The following NAV2 variants were observed in gnomAD, a reference collection of about 807,000 sequenced individuals.
NAV2 encodes the protein neuron navigator 2, also known as helicase, APC down-regulated 1.
Under a neutral mutation model 223.2 loss-of-function variants are expected in NAV2, and 54 were observed. The observed-to-expected ratio is 0.24, with a 90% CI of 0.19 to 0.30. NAV2 has a LOEUF of 0.30. Ranked by LOEUF, NAV2 falls within the 10% of genes least tolerant of loss-of-function variation. The pLI is 1.00. For synonymous variants in NAV2, 1,279 were observed against 1,239.3 expected (o/e 1.03, Z -0.67); for missense variants, 2,806 against 3,147.5 (o/e 0.89, Z 2.60).
intron 1 of NAV2, among the ~76,000 whole-genome samples, chr11:19,811,211 T>C (rs1263729378): frequency 1.3e-5 from 2 of 152,214 alleles, no homozygotes; most frequent in African/African-American, 4.8e-5. Context: ...CTTTCTGTTG[T>C]GGAGTTCCTG....
At chr11:20,111,800 G>A (rs1592213421) in intron 36 of NAV2, among the ~76,000 whole-genome samples, 1 of 152,212 alleles carries the variant, frequency 6.6e-6, no homozygotes, top group East Asian at 1.9e-4. Context: ...GACAAGTTTG[G>A]ACTAGAAGAG....
intron 1 of NAV2, among the ~76,000 whole-genome samples, chr11:19,514,151 G>A (rs2043366362): frequency 1.3e-5 from 2 of 152,082 alleles, no homozygotes; most frequent in African/African-American, 2.4e-5. Flanking sequence ...TTGGCACCTA[G>A]GTCTGCAGGC....
chr11:20,116,473 G>A lies in NAV2; in HGVS notation c.7165-1660G>A, dbSNP rs940863029. 2.0e-5 allele frequency among the ~76,000 whole-genome samples: 3 copies of A among 152,228 alleles called. No individual in the cohort carries two copies. The East Asian group carries it at 5.8e-4, about 29-fold the overall frequency. Reference sequence around the variant, plus strand: ...CATACTTTAAACAGCCGTTTGCAACGTTAACCATTGCTGAAAGCCAAAGTC... The same window carrying A: ...CATACTTTAAACAGCCGTTTGCAACATTAACCATTGCTGAAAGCCAAAGTC... On this transcript the variant is annotated intron_variant, in intron 37 of 37. Transcript: ENST00000349880.
At chr11:19,446,068 G>A (rs1851571255) in intron 1 of NAV2, among the ~76,000 whole-genome samples, 1 of 152,132 alleles carries the variant, frequency 6.6e-6, no homozygotes, top group South Asian at 2.1e-4. Context: ...GCATCTTCAA[G>A]ACTTTTTCCA....
chr11:19,833,259 G>A (rs887977354), intron 2 of NAV2, among the ~76,000 whole-genome samples: 5 of 152,190 alleles, frequency 3.3e-5, no homozygotes, highest in African/African-American at 7.2e-5. Flanking sequence ...CAGGTCAATT[G>A]GACAGCATTA....
intron 6 of NAV2, among the ~76,000 whole-genome samples, chr11:19,912,232 A>G (rs1352115361): frequency 6.6e-6 from 1 of 152,230 alleles, no homozygotes; most frequent in Non-Finnish European, 1.5e-5. Context: ...TGGAATTTAC[A>G]TCTGGACTCT....
chr11:19,708,653 C>A (rs1295614687), upstream of NAV2, among the ~76,000 whole-genome samples: 1 of 152,160 alleles, frequency 6.6e-6, no homozygotes, highest in East Asian at 1.9e-4. Context: ...CGTTGAGGAG[C>A]AGAGAGGGGT....
chr11:19,622,878 G>A (rs2047044307), intron 1 of NAV2, among the ~76,000 whole-genome samples: 1 of 152,146 alleles, frequency 6.6e-6, no homozygotes, highest in Admixed American at 6.5e-5. Context: ...TTTACAATTT[G>A]GCATGTTTTT....
At chr11:19,867,418 A>G (rs1006702464) in intron 3 of NAV2, among the ~76,000 whole-genome samples, 2 of 152,214 alleles carry the variant, frequency 1.3e-5, no homozygotes, top group Admixed American at 6.5e-5. Context: ...TCTCTATCAC[A>G]TAATATTTGC....
At chr11:19,632,428 G>A (rs896860911) in intron 1 of NAV2, among the ~76,000 whole-genome samples, 7 of 152,192 alleles carry the variant, frequency 4.6e-5, no homozygotes, top group Non-Finnish European at 1.0e-4. Context: ...TTTGCAAACT[G>A]AAAGTGTTGT....
intron 4 of NAV2, among the ~76,000 whole-genome samples, chr11:19,870,470 G>A (rs2062409847): frequency 6.6e-6 from 1 of 152,066 alleles, no homozygotes; most frequent in Admixed American, 6.5e-5. Context: ...AGTGGCAGCA[G>A]GGCCTCTTGG....
At chr11:19,734,543 T>C (rs1324039632) in intron 1 of NAV2, among the ~76,000 whole-genome samples, 1 of 152,194 alleles carries the variant, frequency 6.6e-6, no homozygotes, top group Non-Finnish European at 1.5e-5. Context: ...TGTAAAGCAG[T>C]TCATGCTCAA....
intron 1 of NAV2, among the ~76,000 whole-genome samples, chr11:19,678,693 GC>G (rs142277017): frequency 0.014 from 2,106 of 152,320 alleles, 46 homozygotes; most frequent in African/African-American, 0.048. Flanking sequence ...TGGGGAAAAT[GC>G]CAGGTGAATC....
chr11:19,887,096 C>G (rs2041066218), intron 5 of NAV2, among the ~76,000 whole-genome samples: 1 of 152,148 alleles, frequency 6.6e-6, no homozygotes. Flanking sequence ...AGTCCTACCC[C>G]TTCTGGCAGA....
intron 1 of NAV2, among the ~76,000 whole-genome samples, chr11:19,690,928 C>T (rs549409510): frequency 6.6e-6 from 1 of 152,348 alleles, no homozygotes; most frequent in South Asian, 2.1e-4. Context: ...AAGCTTTTCT[C>T]TTTCAAAGTC....
intron 30 of NAV2, among the ~76,000 whole-genome samples, chr11:20,096,617 A>T (rs116913880): frequency 0.026 from 3,963 of 152,266 alleles, 66 homozygotes; most frequent in Non-Finnish European, 0.038. Context: ...TGACTTCAAA[A>T]CCTAACTTAA....
rs184782709 is a variant in NAV2, at chr11:19,585,346, C to G, written c.75+234319C>G. Among the ~76,000 whole-genome samples, 919 of 152,204 alleles carry G rather than the reference C, an allele frequency of 6.0e-3. 6 individuals are homozygous for G. Among genetic ancestry groups the G allele is most frequent in the African/African-American group, 0.02 (823 of 41,530 alleles). ...GACTCTTTATCCAATTTGCCAGTCT[C>G]TGTCTTTTAATTGGAGCATTTAGCC... On this transcript the variant is annotated intron_variant, in intron 1 of 37. Transcript: ENST00000360655.
At chr11:19,872,907 T>C (rs1448457694) in intron 4 of NAV2, among the ~76,000 whole-genome samples, 2 of 152,184 alleles carry the variant, frequency 1.3e-5, no homozygotes, top group African/African-American at 4.8e-5. Flanking sequence ...CTCTTGGAGA[T>C]GTGCCAGAGT....
At chr11:19,502,159 G>C (rs2632047) in intron 1 of NAV2, among the ~76,000 whole-genome samples, 148,524 of 152,270 alleles carry the variant, frequency 0.98, 72,534 homozygotes, top group East Asian at 1. Context: ...TTTTTATTGA[G>C]AATATGCCTC....
Sources: gnomAD v4.1 joint callset for allele counts (sites outside exome capture counted in the v4.1 genomes callset) on GRCh38, gnomAD v4.1.1 for gene constraint, MANE v1.5 for transcripts, NCBI Gene and HGNC (gene_info 2026-07-23, HGNC 2026-07-21) for gene names.